The following MSH6 variants were observed in gnomAD, a reference collection of about 807,000 sequenced individuals.
MSH6 encodes DNA mismatch repair protein Msh6.
Under a neutral mutation model 119.1 loss-of-function variants are expected in MSH6, and 85 were observed. The observed-to-expected ratio is 0.71, with a 90% CI of 0.60 to 0.85. The LOEUF (loss-of-function observed/expected upper bound fraction) is 0.85, where lower values mean the gene tolerates loss of function less well. Ranked by LOEUF, MSH6 falls within the 40% of genes least tolerant of loss-of-function variation. The pLI is 0.00. For missense variants in MSH6, 2,163 were observed against 1,655.3 expected, an observed-to-expected ratio of 1.31 and a Z score of -5.32; for synonymous variants, 830 against 586.9, an observed-to-expected ratio of 1.41 and a Z score of -5.99.
chr2:47,798,380 C>G (rs781560224), intron 3 of MSH6, among the ~76,000 whole-genome samples: 8 of 152,196 alleles, frequency 5.3e-5, no homozygotes, highest in Non-Finnish European at 8.8e-5. Context: ...CTCAGACGTG[C>G]TCAGAACACT....
At chr2:47,808,343 A>G (rs761846592), downstream of MSH6, 19 of 1,612,372 alleles carry the variant, frequency 1.2e-5, no homozygotes, top group South Asian at 1.9e-4. Flanking sequence ...CATGTCTAAT[A>G]AACTCTACAT....
chr2:47,791,177 A>T (rs1192410946), intron 2 of MSH6, 54 bp downstream of exon 2: 25 of 1,443,978 alleles, frequency 1.7e-5, no homozygotes, highest in East Asian at 4.6e-5. Flanking sequence ...TGTGTGTGTG[A>T]GAGAAACAGA....
intron 4 of MSH6, 115 bp downstream of exon 4, chr2:47,801,270 T>A: frequency 9.0e-7 from 1 of 1,107,770 alleles, no homozygotes; most frequent in Non-Finnish European, 1.3e-6. Context: ...TTGACATGCA[T>A]ATACATATTT....
rs1558666142 is a variant in MSH6 at position 47,800,643 on chromosome 2, T to G, written c.2660T>G (p.Leu887Arg). 1 of 1,614,208 alleles carries G rather than the reference T, an allele frequency of 6.2e-7. No individual in the cohort carries two copies. Among genetic ancestry groups the G allele is most frequent in the East Asian group, 2.2e-5 (1 of 44,886 alleles). ...GCTGATGGTTTTAAGTCTAAAATCC[T>G]TAAGCAGGTCATCTCTCTGCAGACA... is the stretch of plus-strand genomic sequence containing the variant. Reference protein sequence around the residue: ...EVADGFKSKILKQVISLQTKN... With the variant: ...EVADGFKSKIRKQVISLQTKN... The change falls in exon 4 of 10, where the codon CTT becomes CGT. Residue 887 changes from leucine (L) to arginine (R), a missense_variant. Coordinates refer to ENST00000234420, the MANE Select transcript of MSH6 (RefSeq NM_000179.3).
rs750949635 is a variant in MSH6, at chr2:47,783,316, C to T, written c.83C>T (p.Ser28Leu). The T allele has an allele frequency of 1.9e-6, 3 of 1,611,548 alleles. No individual in the cohort carries two copies. The highest frequency in any genetic ancestry group is 1.7e-6 in the Non-Finnish European group (2 of 1,179,296). The part of the protein sequence containing the change: ...SDANKASARA[S>L]REGGRAAAAP... ...GCCAACAAGGCCTCGGCCAGGGCCT[C>T]ACGCGAAGGCGGCCGTGCCGCCGCT... Residue 28 changes from serine (S) to leucine (L), a missense_variant, in exon 1 of 10, where the codon TCA becomes TTA. By Grantham distance (145) the Ser-to-Leu change is moderately radical (BLOSUM62 -2). Coordinates refer to ENST00000234420, the MANE Select transcript of MSH6 (RefSeq NM_000179.3).
chr2:47,806,156 G>T lies in MSH6; in HGVS notation c.3647-48G>T, dbSNP rs1558391690. On this transcript the variant is annotated intron_variant, in intron 7 of 9. Coordinates refer to ENST00000234420, the MANE Select transcript of MSH6 (RefSeq NM_000179.3). ...GCATTTTTGTTTTAATTCCTTTTTTGTTTTAATTCCTTTGAGTTACTTCCT... is the reference window on the plus strand; with the variant it reads ...GCATTTTTGTTTTAATTCCTTTTTTTTTTTAATTCCTTTGAGTTACTTCCT... 2.7e-6 allele frequency: 4 copies of T among 1,463,244 alleles called. No individual in the cohort carries two copies. In the East Asian group the frequency reaches 6.7e-5, roughly 25 times the overall value. 90.6% of individuals were successfully genotyped at this position (1,463,244 alleles called of 1,614,324 possible).
rs537604099 is a variant in MSH6 at position 47,800,144 on chromosome 2, A to C, written c.2161A>C (p.Arg721=). 1.9e-6 allele frequency: 3 copies of C among 1,614,092 alleles called. No homozygotes were observed. The highest frequency in any genetic ancestry group is 2.5e-6 in the Non-Finnish European group (3 of 1,180,036). ...PLDSDTVSTT[R]SGAIFTKAYQ... The stretch of plus-strand genomic sequence containing the variant: ...GGATTCTGACACAGTCAGCACTACA[A>C]GATCTGGTGCTATCTTCACCAAAGC... The change falls in exon 4 of 10, where the codon AGA becomes CGA. Residue 721 remains arginine, a synonymous_variant. Transcript: ENST00000234420.
Position 47,798,549 on chromosome 2 carries a change from G to A in MSH6, c.628-62G>A, listed in dbSNP as rs1669232793. On this transcript the variant is annotated intron_variant, in intron 3 of 9. Coordinates refer to ENST00000234420, the MANE Select transcript of MSH6 (RefSeq NM_000179.3). ...AAGTCAAAAAATCATAAGTTGAACTGTCTTACATTATGGTTTTCCAAATTT... is the reference window on the plus strand; with the variant it reads ...AAGTCAAAAAATCATAAGTTGAACTATCTTACATTATGGTTTTCCAAATTT... The A allele has an allele frequency of 3.8e-6, 6 of 1,561,700 alleles. No individual in the cohort carries two copies. In the South Asian group the frequency reaches 6.7e-5, roughly 18 times the overall value.
At chr2:47,784,006 A>G (rs1287181190) in intron 1 of MSH6, 3 of 1,024,938 alleles carry the variant, frequency 2.9e-6, no homozygotes, top group Non-Finnish European at 2.3e-6. Flanking sequence ...GCGCGGAGAT[A>G]GTGAGTTGGG....
chr2:47,801,656 A>C (rs1475772947), intron 4 of MSH6, among the ~76,000 whole-genome samples: 2 of 151,324 alleles, frequency 1.3e-5, no homozygotes, highest in Non-Finnish European at 2.9e-5. Flanking sequence ...GGCATGACCC[A>C]TTGCGCCTGG....
At chr2:47,806,128 C>G (rs912249004) in intron 7 of MSH6, 76 bp from the exon 8 acceptor site, 1 of 1,423,522 alleles carries the variant, frequency 7.0e-7, no homozygotes, top group Non-Finnish European at 9.9e-7. Flanking sequence ...CTTTTCTGTC[C>G]TAGCATTTTT....
In MSH6 at chr2:47,806,572, C is replaced by A. The variant is rs1670123500; in HGVS notation, c.3922C>A (p.Leu1308Ile). The change falls in exon 9 of 10, where the codon CTC (leucine) becomes ATC (isoleucine). Residue 1308 changes from leucine (L) to isoleucine (I), a missense_variant. Physicochemically the swap from Leu to Ile is conservative, Grantham distance 5. Transcript: ENST00000234420. ...YGFNAARLAN[L>I]PEEVIQKGHR... ...CTTTAATGCAGCAAGGCTTGCTAAT[C>A]TCCCAGAGGAAGTTATTCAAAAGGG... is the stretch of plus-strand genomic sequence containing the variant. The A allele has an allele frequency of 1.2e-6, 2 of 1,613,634 alleles. No individual in the cohort carries two copies. Among genetic ancestry groups the A allele is most frequent in the Non-Finnish European group, 1.7e-6 (2 of 1,179,804 alleles).
In MSH6 at chr2:47,800,471, T is replaced by G. The variant is rs1572727368; in HGVS notation, c.2488T>G (p.Ser830Ala). 2.5e-6 allele frequency: 4 copies of G among 1,613,472 alleles called. No individual in the cohort carries two copies. The highest frequency in any genetic ancestry group is 3.4e-6 in the Non-Finnish European group (4 of 1,179,898). Residue 830 changes from serine to alanine, a missense_variant, in exon 4 of 10, where the codon TCT becomes GCT. Ser to Ala is a moderately conservative substitution (Grantham distance 99). Coordinates refer to ENST00000234420, the MANE Select transcript of MSH6 (RefSeq NM_000179.3). ...RLLSKIHNVG[S>A]PLKSQNHPDS... ...ACTCAGTAAAATTCATAATGTTGGGTCTCCCCTGAAGAGTCAGAACCACCC... is the reference window on the plus strand; with the variant it reads ...ACTCAGTAAAATTCATAATGTTGGGGCTCCCCTGAAGAGTCAGAACCACCC...
intron 3 of MSH6, 59 bp downstream of exon 3, chr2:47,796,122 G>A (rs1669075609): frequency 6.4e-7 from 1 of 1,571,498 alleles, no homozygotes; most frequent in Non-Finnish European, 8.8e-7. Context: ...GAAGAAAGGG[G>A]GAGGGTGTAT....
intron 1 of MSH6, chr2:47,783,996 G>A: frequency 9.7e-7 from 1 of 1,030,398 alleles, no homozygotes; most frequent in Non-Finnish European, 1.2e-6. Flanking sequence ...TCCTCGGCCG[G>A]CGCGGAGATA....
intron 1 of MSH6, among the ~76,000 whole-genome samples, chr2:47,786,789 T>G (rs1473932631): frequency 2.0e-5 from 3 of 152,148 alleles, no homozygotes; most frequent in Non-Finnish European, 4.4e-5. Flanking sequence ...AGTTCTTTCA[T>G]TTAGTTTATG....
chr2:47,789,651 A>C (rs1046294676), intron 1 of MSH6, among the ~76,000 whole-genome samples: 4 of 151,798 alleles, frequency 2.6e-5, no homozygotes, highest in African/African-American at 9.7e-5. Flanking sequence ...TGGTTGCAGG[A>C]CCCCCCTGTG....
At position 47,800,399 on chromosome 2, in the gene MSH6, T is replaced by C. The variant is rs1669459644; in HGVS notation, c.2416T>C (p.Ser806Pro). ...EDLMVVPDKISEVVELLKKLP... is the reference protein window; with the variant it reads ...EDLMVVPDKIPEVVELLKKLP... ...CCTCATGGTTGTGCCTGACAAAATC[T>C]CCGAAGTTGTAGAGCTTCTAAAGAA... Residue 806 changes from serine to proline, a missense_variant, in exon 4 of 10, where the codon TCC becomes CCC. Coordinates refer to ENST00000234420, the MANE Select transcript of MSH6 (RefSeq NM_000179.3). 1 of 1,614,066 alleles carries C rather than the reference T, an allele frequency of 6.2e-7. No individual in the cohort carries two copies.
At chr2:47,796,166 A>G (rs1669077980) in intron 3 of MSH6, 103 bp downstream of exon 3, 5 of 1,177,938 alleles carry the variant, frequency 4.2e-6, no homozygotes, top group South Asian at 1.3e-5. Context: ...ATGTGTGTGT[A>G]TATGTATTAT....
Sources: allele counts gnomAD v4.1 joint callset (sites outside exome capture counted in the v4.1 genomes callset), GRCh38; gene constraint gnomAD v4.1.1; transcripts MANE v1.5; gene names NCBI Gene and HGNC (gene_info 2026-07-23, HGNC 2026-07-21).